Variants in CEP85L observed in about 807,000 individuals in gnomAD.
CEP85L encodes centrosomal protein of 85 kDa-like.
CEP85L carries 60 observed loss-of-function variants against 100.3 expected under a neutral mutation model. That is an observed-to-expected ratio of 0.60 (90% confidence interval 0.49 to 0.74). The LOEUF (loss-of-function observed/expected upper bound fraction) is 0.74, where lower values mean the gene tolerates loss of function less well. Among genes scored for constraint, CEP85L ranks in the 30% least tolerant of loss-of-function variants. The pLI, the probability that CEP85L is intolerant of heterozygous loss-of-function variation, is 0.00. For synonymous variants in CEP85L, 319 were observed against 322.7 expected (o/e 0.99, Z 0.12); for missense variants, 973 against 936.2 (o/e 1.04, Z -0.51).
chr6:118,651,046 G>A (rs1049549797), intron 1 of CEP85L, 151 bp downstream of exon 1: 9 of 1,247,254 alleles, frequency 7.2e-6, no homozygotes, highest in African/African-American at 4.8e-5. Flanking sequence ...CCCGGGTGCT[G>A]ACAGCGGGGA....
chr6:118,504,221 A>G (rs1775497854), intron 5 of CEP85L, among the ~76,000 whole-genome samples: 1 of 152,074 alleles, frequency 6.6e-6, no homozygotes, highest in Non-Finnish European at 1.5e-5. Flanking sequence ...CTAAAAATAC[A>G]AAAATTAGCT....
intron 3 of CEP85L, among the ~76,000 whole-genome samples, chr6:118,527,083 G>C (rs9374737): frequency 7.1e-6 from 1 of 140,238 alleles, no homozygotes; most frequent in African/African-American, 2.7e-5. Flanking sequence ...TGGCGCGATA[G>C]AGCTCACCGC....
chr6:118,661,567 T>A (rs1349482298), intron 1 of CEP85L, among the ~76,000 whole-genome samples: 1 of 152,114 alleles, frequency 6.6e-6, no homozygotes. Context: ...TGTTTAGGAC[T>A]AATGCATTAG....
At chr6:118,620,701 T>C (rs200671236) in intron 2 of CEP85L, among the ~76,000 whole-genome samples, 2 of 152,036 alleles carry the variant, frequency 1.3e-5, no homozygotes, top group East Asian at 3.9e-4. Context: ...AACCAGGAAA[T>C]CGATTTCCTC....
chr6:118,531,231 C>T (rs528412903), intron 3 of CEP85L, among the ~76,000 whole-genome samples: 7 of 151,834 alleles, frequency 4.6e-5, no homozygotes, highest in African/African-American at 9.7e-5. Context: ...TTTTCATCAA[C>T]GTCAACAAAA....
chr6:118,628,349 T>TA (rs1773935709), intron 2 of CEP85L, among the ~76,000 whole-genome samples: 1 of 152,004 alleles, frequency 6.6e-6, no homozygotes, highest in Non-Finnish European at 1.5e-5. Flanking sequence ...AGCCGAGGGA[T>TA]AAAAATTCCA....
chr6:118,576,039 C>A (rs1327768948), intron 2 of CEP85L, among the ~76,000 whole-genome samples: 1 of 151,994 alleles, frequency 6.6e-6, no homozygotes, highest in South Asian at 2.1e-4. Context: ...TACCCAGGCA[C>A]TAGAAATAAA....
upstream of CEP85L, chr6:118,652,533 G>A (rs2115391345): frequency 2.1e-6 from 3 of 1,397,326 alleles, no homozygotes; most frequent in Non-Finnish European, 1.9e-6. Context: ...AAGTCGGAAC[G>A]CAGGTCGCTT....
At chr6:118,576,663 G>A (rs1583089970) in intron 2 of CEP85L, among the ~76,000 whole-genome samples, 1 of 152,250 alleles carries the variant, frequency 6.6e-6, no homozygotes, top group South Asian at 2.1e-4. Context: ...AATCCTCAGA[G>A]GAAGAGTTAG....
upstream of CEP85L, chr6:118,651,611 A>G: frequency 9.9e-7 from 1 of 1,014,450 alleles, no homozygotes; most frequent in Non-Finnish European, 1.2e-6. Flanking sequence ...CCGCCGGCAG[A>G]GCCAGAGCCG....
intron 3 of CEP85L, among the ~76,000 whole-genome samples, chr6:118,524,366 C>T (rs935473717): frequency 6.6e-6 from 1 of 152,176 alleles, no homozygotes; most frequent in African/African-American, 2.4e-5. Context: ...ATGGCGTGAA[C>T]CCGGGAGGCG....
chr6:118,688,621 G>A (rs1172302594), intron 1 of CEP85L, among the ~76,000 whole-genome samples: 1 of 152,128 alleles, frequency 6.6e-6, no homozygotes, highest in Non-Finnish European at 1.5e-5. Flanking sequence ...TTATCAGTTT[G>A]TGAATTCCTA....
chr6:118,523,822 C>A lies in CEP85L; in HGVS notation c.1119G>T (p.Gln373His). The A allele has an allele frequency of 6.4e-7, 1 of 1,551,250 alleles. No individual in the cohort carries two copies. The highest frequency in any genetic ancestry group is 1.1e-5 in the South Asian group (1 of 88,938). The change falls in exon 4 of 13, where the codon CAG becomes CAT. Residue 373 changes from glutamine (Q) to histidine (H), a missense_variant. By Grantham distance (24) the Gln-to-His change is conservative. Coordinates refer to ENST00000368491, the MANE Select transcript of CEP85L (RefSeq NM_001042475.3). Reference sequence around the variant, plus strand: ...CTCACCGATCGATTACAATTTCTTTCTGCCTTAGAAGTCCTTCTTTTATTT... The same window carrying A: ...CTCACCGATCGATTACAATTTCTTTATGCCTTAGAAGTCCTTCTTTTATTT... Reference protein sequence around the residue: ...MLKIKEGLLRQKEIVIDRQKQ... With the variant: ...MLKIKEGLLRHKEIVIDRQKQ...
At chr6:118,691,446 T>G (rs1777040273) in intron 1 of CEP85L, among the ~76,000 whole-genome samples, 1 of 150,854 alleles carries the variant, frequency 6.6e-6, no homozygotes, top group African/African-American at 2.4e-5. Flanking sequence ...GGCAGGAGAA[T>G]CGCTTTAACC....
chr6:118,656,660 T>C (rs1197525351), upstream of CEP85L: 1 of 152,234 alleles, frequency 6.6e-6, no homozygotes, highest in Non-Finnish European at 1.5e-5. Context: ...TAGATGTACA[T>C]ATTTTGGGCA....
At chr6:118,512,140 A>C (rs985607667) in intron 4 of CEP85L, among the ~76,000 whole-genome samples, 42 of 152,270 alleles carry the variant, frequency 2.8e-4, no homozygotes, top group African/African-American at 9.6e-4. Flanking sequence ...TAGGTAACTA[A>C]TGAGGTGGGC....
intron 6 of CEP85L, among the ~76,000 whole-genome samples, chr6:118,486,235 CAG>C (rs1039710854): frequency 6.6e-6 from 1 of 152,182 alleles, no homozygotes; most frequent in South Asian, 2.1e-4. Flanking sequence ...CCCATACAAA[CAG>C]AGGTTACTGA....
At chr6:118,645,003 T>C (rs1775090836) in intron 1 of CEP85L, among the ~76,000 whole-genome samples, 1 of 152,206 alleles carries the variant, frequency 6.6e-6, no homozygotes, top group African/African-American at 2.4e-5. Context: ...AGTGAAAGAA[T>C]GAAGTCACTC....
intron 1 of CEP85L, among the ~76,000 whole-genome samples, chr6:118,692,276 G>T: frequency 6.6e-6 from 1 of 152,182 alleles, no homozygotes; most frequent in East Asian, 1.9e-4. Context: ...CATAGTACTT[G>T]TTGCCATTTT....
Sources: gnomAD v4.1 joint callset for allele counts (sites outside exome capture counted in the v4.1 genomes callset) on GRCh38, gnomAD v4.1.1 for gene constraint, MANE v1.5 for transcripts, NCBI Gene and HGNC (gene_info 2026-07-23, HGNC 2026-07-21) for gene names.